Variants in FNDC3A observed in about 807,000 individuals in gnomAD.
FNDC3A encodes the protein fibronectin type-III domain-containing protein 3A.
Under a neutral mutation model 148.9 loss-of-function variants are expected in FNDC3A, and 32 were observed. The observed-to-expected ratio is 0.21, with a 90% CI of 0.16 to 0.29. FNDC3A has a LOEUF of 0.29. Ranked by LOEUF, FNDC3A falls within the 10% of genes least tolerant of loss-of-function variation. FNDC3A has a pLI of 1.00. For missense variants in FNDC3A, 1,191 were observed against 1,452.8 expected, an observed-to-expected ratio of 0.82 and a Z score of 2.93; for synonymous variants, 472 against 473.6, an observed-to-expected ratio of 1.00 and a Z score of 0.04.
chr13:49,166,431 G>T (rs1384670295), intron 8 of FNDC3A, among the ~76,000 whole-genome samples: 1 of 152,186 alleles, frequency 6.6e-6, no homozygotes, highest in Admixed American at 6.5e-5. Context: ...GGACTGTAGG[G>T]CTTGTGGGCA....
chr13:49,150,750 T>C (rs920986900), intron 8 of FNDC3A, among the ~76,000 whole-genome samples: 1 of 151,994 alleles, frequency 6.6e-6, no homozygotes, highest in Non-Finnish European at 1.5e-5. Flanking sequence ...ATCAAGACCA[T>C]CCTGGCCAAC....
intron 1 of FNDC3A, among the ~76,000 whole-genome samples, chr13:48,996,976 T>C (rs1018088769): frequency 6.6e-6 from 1 of 151,732 alleles, no homozygotes; most frequent in African/African-American, 2.4e-5. Flanking sequence ...GACAGGAAAA[T>C]TGCTTGAACC....
intron 2 of FNDC3A, among the ~76,000 whole-genome samples, chr13:49,021,855 C>G (rs992510177): frequency 1.3e-5 from 2 of 152,082 alleles, no homozygotes; most frequent in South Asian, 2.1e-4. Flanking sequence ...GGCCAGTTCT[C>G]TATGTAATAC....
chr13:49,000,964 T>TTGTGTGTG (rs149236388), intron 1 of FNDC3A, among the ~76,000 whole-genome samples: 1 of 150,006 alleles, frequency 6.7e-6, no homozygotes, highest in Non-Finnish European at 1.5e-5. Flanking sequence ...TTTTGTGTGT[T>TTGTGTGTG]TGTGTGTGTG....
intron 9 of FNDC3A, among the ~76,000 whole-genome samples, chr13:49,167,583 G>A (rs1884543204): frequency 6.6e-6 from 1 of 152,116 alleles, no homozygotes. Context: ...GTGCAGGCCT[G>A]TGGTATCAGC....
chr13:49,172,334 C>CT (rs943179395), intron 11 of FNDC3A, among the ~76,000 whole-genome samples: 16 of 152,014 alleles, frequency 1.1e-4, no homozygotes, highest in Admixed American at 5.9e-4. Flanking sequence ...GATAAAGGAA[C>CT]TTTTTTTTCA....
At chr13:49,049,269 CT>C (rs71186324) in intron 2 of FNDC3A, among the ~76,000 whole-genome samples, 1 of 152,072 alleles carries the variant, frequency 6.6e-6, no homozygotes, top group African/African-American at 2.4e-5. Flanking sequence ...CTGTAGTTTT[CT>C]TTTTTTGTTT....
At chr13:49,164,674 A>T (rs1490638573) in intron 8 of FNDC3A, among the ~76,000 whole-genome samples, 3 of 151,388 alleles carry the variant, frequency 2.0e-5, no homozygotes, top group African/African-American at 2.4e-5. Context: ...TGTGGCATGA[A>T]CTCGGCTCAC....
intron 2 of FNDC3A, among the ~76,000 whole-genome samples, chr13:49,037,152 T>C (rs560403692): frequency 1.4e-4 from 21 of 152,310 alleles, no homozygotes; most frequent in African/African-American, 4.6e-4. Context: ...AATTGAAAGA[T>C]CTATATTGAT....
Position 49,195,311 on chromosome 13 carries a change from C to T in FNDC3A, c.2227-1566C>T, listed in dbSNP as rs57590763. On this transcript the variant is annotated intron_variant, in intron 19 of 25. Transcript: ENST00000492622. ...TTTTTACTTTTTTATAAAACAGTTA[C>T]GTTCACAATATTAGCCTGAGGTATT... is the stretch of plus-strand genomic sequence containing the variant. Among the ~76,000 whole-genome samples the T allele has an allele frequency of 9.5e-3, 1,439 of 152,120 alleles. 14 individuals are homozygous for T. The highest frequency in any genetic ancestry group is 0.022 in the African/African-American group (931 of 41,496).
chr13:49,052,286 G>A (rs1416709276), intron 2 of FNDC3A, among the ~76,000 whole-genome samples: 1 of 152,104 alleles, frequency 6.6e-6, no homozygotes, highest in Non-Finnish European at 1.5e-5. Context: ...AATTTTTCCT[G>A]GTTCCTTCCC....
chr13:49,206,861 CG>C (rs2138149741), intron 25 of FNDC3A, among the ~76,000 whole-genome samples: 1 of 152,270 alleles, frequency 6.6e-6, no homozygotes, highest in African/African-American at 2.4e-5. Flanking sequence ...ATCTGTGAAC[CG>C]TATAAGGGTA....
At chr13:49,006,384 G>C in intron 2 of FNDC3A, 95 bp downstream of exon 2, 1 of 530,466 alleles carries the variant, frequency 1.9e-6, no homozygotes, top group South Asian at 3.5e-5. Context: ...CTGTTAATTC[G>C]TGTTTTAAAT....
At chr13:49,071,009 C>G (rs757282038) in intron 2 of FNDC3A, among the ~76,000 whole-genome samples, 1 of 149,322 alleles carries the variant, frequency 6.7e-6, no homozygotes, top group Admixed American at 6.7e-5. Flanking sequence ...AGCAATCCTC[C>G]TGCCTCAGCC....
intron 3 of FNDC3A, among the ~76,000 whole-genome samples, chr13:49,087,611 G>A (rs1271893889): frequency 1.3e-5 from 2 of 152,028 alleles, no homozygotes; most frequent in Non-Finnish European, 2.9e-5. Flanking sequence ...AAATGAATTT[G>A]GATGTTTTAC....
At chr13:49,092,508 A>C (rs1003152429) in intron 3 of FNDC3A, among the ~76,000 whole-genome samples, 1 of 152,146 alleles carries the variant, frequency 6.6e-6, no homozygotes, top group Non-Finnish European at 1.5e-5. Context: ...TTCCCAGCCC[A>C]CTAACTCAAA....
intron 3 of FNDC3A, among the ~76,000 whole-genome samples, chr13:49,083,341 T>C (rs922319013): frequency 1.3e-5 from 2 of 152,214 alleles, no homozygotes; most frequent in African/African-American, 4.8e-5. Flanking sequence ...ACTTTATGAA[T>C]AGAACTTGCT....
chr13:49,203,819 C>A (rs1251685107), intron 25 of FNDC3A, among the ~76,000 whole-genome samples: 2 of 151,938 alleles, frequency 1.3e-5, no homozygotes, highest in Non-Finnish European at 2.9e-5. Context: ...ATAAAGGAGC[C>A]AATATGACTG....
chr13:49,187,511 G>A, intron 16 of FNDC3A: 2 of 1,599,260 alleles, frequency 1.3e-6, no homozygotes, highest in Non-Finnish European at 1.7e-6. Flanking sequence ...CTTACTACAA[G>A]AAAGGGTGTA....
Sources: allele counts gnomAD v4.1 joint callset (sites outside exome capture counted in the v4.1 genomes callset), GRCh38; gene constraint gnomAD v4.1.1; transcripts MANE v1.5; gene names NCBI Gene and HGNC (gene_info 2026-07-23, HGNC 2026-07-21).